GRID2: variants seen among roughly 807,000 people sequenced by gnomAD.
GRID2 encodes glutamate receptor ionotropic, delta-2.
In GRID2, 33 loss-of-function variants were observed where a neutral mutation model predicts 114.8. The ratio of observed to expected loss-of-function variants is 0.29; its 90% confidence interval spans 0.22 to 0.38. GRID2 has a LOEUF of 0.38. Ranked by LOEUF, GRID2 falls within the 10% of genes least tolerant of loss-of-function variation. The pLI is 1.00. For synonymous variants in GRID2, 505 were observed against 449.9 expected (o/e 1.12, Z -1.55); for missense variants, 1,184 against 1,257.7 (o/e 0.94, Z 0.89).
At chr4:93,544,673 A>G (rs1176784862) in intron 13 of GRID2, among the ~76,000 whole-genome samples, 1 of 151,710 alleles carries the variant, frequency 6.6e-6, no homozygotes, top group Non-Finnish European at 1.5e-5. Flanking sequence ...GTCACTCGGG[A>G]GGCTGAGGCA....
At chr4:93,761,327 A>C (rs1175333018) in intron 14 of GRID2, among the ~76,000 whole-genome samples, 1 of 152,224 alleles carries the variant, frequency 6.6e-6, no homozygotes, top group Non-Finnish European at 1.5e-5. Flanking sequence ...TATCTTCATC[A>C]GTGAAATGAG....
At chr4:92,964,669 T>C (rs1287858221) in intron 2 of GRID2, among the ~76,000 whole-genome samples, 2 of 152,040 alleles carry the variant, frequency 1.3e-5, no homozygotes, top group African/African-American at 4.8e-5. Flanking sequence ...TACTTTTACA[T>C]TATGGAGAAG....
chr4:93,781,993 C>T (rs1435685822), intron 1 of GRID2, among the ~76,000 whole-genome samples: 1 of 152,170 alleles, frequency 6.6e-6, no homozygotes, highest in Non-Finnish European at 1.5e-5. Context: ...TGTTAGATTA[C>T]TCTTCCTTCC....
At chr4:93,591,495 A>G (rs973942807) in intron 13 of GRID2, among the ~76,000 whole-genome samples, 2 of 152,162 alleles carry the variant, frequency 1.3e-5, no homozygotes, top group Non-Finnish European at 2.9e-5. Context: ...AATGTTCATC[A>G]GGGATATGGG....
chr4:93,568,947 G>T (rs559030781), intron 13 of GRID2, among the ~76,000 whole-genome samples: 1 of 152,106 alleles, frequency 6.6e-6, no homozygotes, highest in African/African-American at 2.4e-5. Flanking sequence ...CCCTGCGCAA[G>T]ATTTACTTCC....
At chr4:93,366,916 A>G (rs1409384237) in intron 8 of GRID2, among the ~76,000 whole-genome samples, 1 of 151,936 alleles carries the variant, frequency 6.6e-6, no homozygotes, top group African/African-American at 2.4e-5. Flanking sequence ...AAGAATATAT[A>G]TGGTTGATAA....
intron 14 of GRID2, among the ~76,000 whole-genome samples, chr4:93,645,506 T>A (rs1466383246): frequency 1.3e-5 from 2 of 152,072 alleles, no homozygotes; most frequent in African/African-American, 4.8e-5. Context: ...GGCATAGAGA[T>A]AAAAAGAAAA....
intron 1 of GRID2, among the ~76,000 whole-genome samples, chr4:92,414,127 A>C (rs1731475406): frequency 6.6e-6 from 1 of 152,214 alleles, no homozygotes; most frequent in Non-Finnish European, 1.5e-5. Context: ...TAGACTGGAA[A>C]TGATTAGCTT....
intron 10 of GRID2, among the ~76,000 whole-genome samples, chr4:93,451,645 A>G (rs936768101): frequency 3.3e-5 from 5 of 152,096 alleles, no homozygotes; most frequent in African/African-American, 1.2e-4. Context: ...CTTTGGCTAC[A>G]ATAGGGAGAC....
At chr4:92,719,568 CAAATGCTACTAAAAGGTAGAG>C (rs1211803964) in intron 2 of GRID2, among the ~76,000 whole-genome samples, 16 of 151,970 alleles carry the variant, frequency 1.1e-4, no homozygotes, top group Admixed American at 5.3e-4. Flanking sequence ...AGAAAGTTGA[CAAATGCTACTAAAAGGTAGAG>C]AAATGCTACT....
At chr4:92,789,335 T>C (rs928045866) in intron 2 of GRID2, among the ~76,000 whole-genome samples, 2 of 151,902 alleles carry the variant, frequency 1.3e-5, no homozygotes, top group African/African-American at 4.8e-5. Flanking sequence ...TTGATATCAC[T>C]GTTTTCAGGA....
chr4:92,746,959 C>T (rs755821542), intron 2 of GRID2, among the ~76,000 whole-genome samples: 1 of 151,986 alleles, frequency 6.6e-6, no homozygotes, highest in Non-Finnish European at 1.5e-5. Context: ...ATTTCTAACA[C>T]GTCAATGTTG....
At chr4:93,490,507 G>C (rs1021613814) in intron 11 of GRID2, 132 bp from the exon 12 acceptor site, 3 of 564,264 alleles carry the variant, frequency 5.3e-6, no homozygotes. Flanking sequence ...TGAAAATATA[G>C]AGATCTATGT....
chr4:92,917,700 T>C (rs1223931177), intron 2 of GRID2, among the ~76,000 whole-genome samples: 5 of 152,166 alleles, frequency 3.3e-5, no homozygotes, highest in Non-Finnish European at 7.4e-5. Context: ...TTCTGTACCA[T>C]TGGTGTTTAT....
At chr4:93,200,803 C>T (rs1742024535) in intron 4 of GRID2, among the ~76,000 whole-genome samples, 1 of 152,106 alleles carries the variant, frequency 6.6e-6, no homozygotes, top group African/African-American at 2.4e-5. Flanking sequence ...TCTACATGTT[C>T]CAAACCGTAC....
intron 3 of GRID2, among the ~76,000 whole-genome samples, chr4:93,095,770 G>C (rs1037804173): frequency 2.0e-5 from 3 of 151,916 alleles, no homozygotes; most frequent in Non-Finnish European, 4.4e-5. Flanking sequence ...AAATAATGGA[G>C]AGATATATGT....
At chr4:93,011,229 T>C (rs1386814636) in intron 2 of GRID2, among the ~76,000 whole-genome samples, 2 of 152,002 alleles carry the variant, frequency 1.3e-5, no homozygotes, top group Non-Finnish European at 2.9e-5. Context: ...GTCTGTGTTT[T>C]TTCTTTCTAT....
intron 14 of GRID2, among the ~76,000 whole-genome samples, chr4:93,669,034 C>A (rs915918811): frequency 1.9e-4 from 29 of 151,944 alleles, no homozygotes; most frequent in Non-Finnish European, 5.9e-5. Flanking sequence ...TAAGTGATAT[C>A]TCATGAGTGA....
intron 2 of GRID2, among the ~76,000 whole-genome samples, chr4:92,775,391 C>G (rs145054490): frequency 1.3e-5 from 2 of 152,260 alleles, no homozygotes; most frequent in African/African-American, 2.4e-5. Context: ...GAAAAACCAT[C>G]AAGTGCAAGT....
Sources: allele counts gnomAD v4.1 joint callset (sites outside exome capture counted in the v4.1 genomes callset), GRCh38; gene constraint gnomAD v4.1.1; transcripts MANE v1.5; gene names NCBI Gene and HGNC (gene_info 2026-07-23, HGNC 2026-07-21).